The following ANGEL1 variants were observed in gnomAD, a reference collection of about 807,000 sequenced individuals.
ANGEL1 encodes the protein angel homolog 1.
Under a neutral mutation model 76.4 loss-of-function variants are expected in ANGEL1, and 62 were observed. That is an observed-to-expected ratio of 0.81 (90% CI 0.66 to 1.00). ANGEL1 has a LOEUF of 1.00. ANGEL1 is among the 50% of genes least tolerant of loss of function. ANGEL1 has a pLI of 0.00. For missense variants in ANGEL1, 737 were observed against 836.7 expected (o/e 0.88, Z 1.47); for synonymous variants, 340 against 331.7 (o/e 1.03, Z -0.27).
At chr14:76,794,878 C>T (rs1894531379) in intron 7 of ANGEL1, among the ~76,000 whole-genome samples, 1 of 152,058 alleles carries the variant, frequency 6.6e-6, no homozygotes, top group Non-Finnish European at 1.5e-5. Flanking sequence ...TATCTTAATG[C>T]TTAATGCTGC....
chr14:76,802,622 T>C (rs192253282), intron 7 of ANGEL1, among the ~76,000 whole-genome samples: 31 of 152,114 alleles, frequency 2.0e-4, no homozygotes, highest in African/African-American at 7.5e-4. Flanking sequence ...CACTGCCTCT[T>C]AGGATCAAAA....
In ANGEL1 at chr14:76,791,430, T is replaced by C; in HGVS notation, c.1619-64A>G. ...AGACAGTGAAGCAGGATCAGAACCT[T>C]TCACCCTAAAATCCCTCTCAGATCC... On this transcript the variant is annotated intron_variant, in intron 7 of 9. Transcript: ENST00000251089. The C allele has an allele frequency of 2.0e-6, 3 of 1,497,474 alleles. No homozygotes were observed. In the South Asian group the frequency reaches 3.4e-5, roughly 17 times the overall value. The allele number at this position is 1,497,474 out of a possible 1,614,324, so 92.8% of individuals were successfully genotyped here.
chr14:76,806,403 T>G lies in ANGEL1; in HGVS notation c.1380+13A>C. 5 of 1,605,396 alleles carry G rather than the reference T, an allele frequency of 3.1e-6. No individual in the cohort carries two copies. The South Asian group carries it at 5.5e-5, about 18-fold the overall frequency. On this transcript the variant is annotated intron_variant, in intron 5 of 9. Coordinates refer to ENST00000251089, the MANE Select transcript of ANGEL1 (RefSeq NM_015305.4). ...CCATGTTCCCACCCACACCGTGGCC[T>G]CTCCCATTTCACCTTCCAGGCTGGC...
intron 7 of ANGEL1, among the ~76,000 whole-genome samples, chr14:76,794,108 T>C (rs1018433922): frequency 3.3e-5 from 5 of 152,144 alleles, no homozygotes; most frequent in Non-Finnish European, 4.4e-5. Flanking sequence ...CATACATCTA[T>C]GGTCAATTGA....
chr14:76,803,929 G>T lies in ANGEL1; in HGVS notation c.1381-17C>A, dbSNP rs891523417. The T allele has an allele frequency of 1.2e-6, 2 of 1,614,186 alleles. No individual in the cohort carries two copies. Among genetic ancestry groups the T allele is most frequent in the Non-Finnish European group, 1.7e-6 (2 of 1,180,032 alleles). On this transcript the variant is annotated splice_polypyrimidine_tract_variant and intron_variant, in intron 5 of 9. Coordinates refer to ENST00000251089, the MANE Select transcript of ANGEL1 (RefSeq NM_015305.4). ...TCCAGATACCTGGGTGGAAAAAGAA[G>T]GGTGGGAATAAGGAAACCAAGATAG...
In ANGEL1 at chr14:76,787,380, C is replaced by T. The variant is rs1026192487; in HGVS notation, c.*1848G>A. Reference sequence around the variant, plus strand: ...AGCATCTGCCCTCTGCTGTGGTTAGCCATTTTAAAGCTGCATTTCCCAGCA... The same window carrying T: ...AGCATCTGCCCTCTGCTGTGGTTAGTCATTTTAAAGCTGCATTTCCCAGCA... On this transcript the variant is annotated 3_prime_UTR_variant, in exon 10 of 10. Transcript: ENST00000251089. The T allele has an allele frequency of 6.6e-6, 1 of 152,390 alleles. No homozygotes were observed. Among genetic ancestry groups the T allele is most frequent in the Non-Finnish European group, 1.5e-5 (1 of 68,044 alleles). The allele number at this position is 152,390 out of a possible 1,614,324, so 9.4% of individuals were successfully genotyped here.
intron 6 of ANGEL1, 141 bp from the exon 7 acceptor site, chr14:76,803,622 T>A: frequency 7.4e-7 from 1 of 1,357,482 alleles, no homozygotes; most frequent in Non-Finnish European, 1.0e-6. Context: ...GGCTATGATT[T>A]AAAGTTGTCC....
intron 7 of ANGEL1, among the ~76,000 whole-genome samples, chr14:76,801,112 C>CTT (rs561312929): frequency 3.5e-5 from 5 of 142,510 alleles, no homozygotes; most frequent in Admixed American, 1.4e-4. Context: ...TCTCCTACAT[C>CTT]TTTTTTTTTT....
chr14:76,811,725 T>C (rs1378338666), intron 1 of ANGEL1, among the ~76,000 whole-genome samples: 3 of 152,224 alleles, frequency 2.0e-5, no homozygotes, highest in Non-Finnish European at 4.4e-5. Flanking sequence ...AAGACATTCC[T>C]GAATTCACTG....
chr14:76,810,098 T>C (rs987701121), intron 1 of ANGEL1: 1 of 427,510 alleles, frequency 2.3e-6, no homozygotes, highest in Admixed American at 2.6e-5. Flanking sequence ...CCTTGAACAA[T>C]GCCCCTAGTC....
At chr14:76,790,826 C>G in intron 8 of ANGEL1, 52 bp from the exon 9 acceptor site, 2 of 1,494,174 alleles carry the variant, frequency 1.3e-6, no homozygotes, top group Admixed American at 4.8e-5. Context: ...TAAATTTTCC[C>G]TAGATCACTT....
intron 7 of ANGEL1, among the ~76,000 whole-genome samples, chr14:76,796,364 T>G (rs2140214591): frequency 6.6e-6 from 1 of 151,994 alleles, no homozygotes; most frequent in East Asian, 1.9e-4. Flanking sequence ...TCCTTTTACC[T>G]TAGCCTCTCG....
chr14:76,806,439 A>T lies in ANGEL1; in HGVS notation c.1357T>A (p.Tyr453Asn), dbSNP rs1894919738. 1 of 1,613,632 alleles carries T rather than the reference A, an allele frequency of 6.2e-7. No homozygotes were observed. The highest frequency in any genetic ancestry group is 1.3e-5 in the African/African-American group (1 of 74,900). Residue 453 changes from tyrosine to asparagine, a missense_variant, in exon 5 of 10, where the codon TAC becomes AAC. Coordinates refer to ENST00000251089, the MANE Select transcript of ANGEL1 (RefSeq NM_015305.4). ...YNFIRDGELQ[Y>N]HGMPAWKVSG... is the part of the protein sequence containing the mutation. ...ACCTTCCAGGCTGGCATCCCATGGTACTGGAGCTCTCCATCCCTGATGAAG... is the reference window on the plus strand; with the variant it reads ...ACCTTCCAGGCTGGCATCCCATGGTTCTGGAGCTCTCCATCCCTGATGAAG...
At chr14:76,793,495 G>A (rs1894482656) in intron 7 of ANGEL1, among the ~76,000 whole-genome samples, 1 of 148,448 alleles carries the variant, frequency 6.7e-6, no homozygotes, top group Non-Finnish European at 1.5e-5. Context: ...AAAAGGAGGA[G>A]GAAAAAAGGA....
chr14:76,807,172 T>C (rs1030164641), intron 4 of ANGEL1, among the ~76,000 whole-genome samples: 2 of 152,172 alleles, frequency 1.3e-5, no homozygotes, highest in Non-Finnish European at 2.9e-5. Context: ...GTCACATGAG[T>C]TTTCAGAACT....
intron 7 of ANGEL1, among the ~76,000 whole-genome samples, chr14:76,794,048 A>G (rs1414337389): frequency 6.6e-6 from 1 of 152,214 alleles, no homozygotes; most frequent in Non-Finnish European, 1.5e-5. Context: ...TGGTTCTGGC[A>G]TAAGGACAGA....
chr14:76,812,116 C>G (rs1455237369), intron 1 of ANGEL1, among the ~76,000 whole-genome samples: 1 of 152,194 alleles, frequency 6.6e-6, no homozygotes, highest in East Asian at 1.9e-4. Context: ...ATAAACACCC[C>G]CTCTTTGAGG....
At chr14:76,806,320 G>A in intron 5 of ANGEL1, 96 bp downstream of exon 5, 1 of 1,305,716 alleles carries the variant, frequency 7.7e-7, no homozygotes, top group Non-Finnish European at 1.1e-6. Flanking sequence ...CAGAGCAGGT[G>A]TACTGAGGTC....
chr14:76,804,211 A>G, intron 5 of ANGEL1: 1 of 1,407,658 alleles, frequency 7.1e-7, no homozygotes, highest in Non-Finnish European at 9.2e-7. Context: ...AAAAATCAAT[A>G]CAATTCTCCT....
Sources: gnomAD v4.1 joint callset for allele counts (sites outside exome capture counted in the v4.1 genomes callset) on GRCh38, gnomAD v4.1.1 for gene constraint, MANE v1.5 for transcripts, NCBI Gene and HGNC (gene_info 2026-07-23, HGNC 2026-07-21) for gene names.